The following MCM9 variants were observed in gnomAD, a reference collection of about 807,000 sequenced individuals.
MCM9 encodes minichromosome maintenance 9 homologous recombination repair factor, also known as DNA helicase MCM9.
In MCM9, 55 loss-of-function variants were observed where a neutral mutation model predicts 72.8. That is an observed-to-expected ratio of 0.76 (90% CI 0.61 to 0.95). MCM9 has a LOEUF of 0.95. Among genes scored for constraint, MCM9 ranks in the 40% least tolerant of loss-of-function variants. MCM9 has a pLI of 0.00. For synonymous variants in MCM9, 480 were observed against 503.4 expected (o/e 0.95, Z 0.62); for missense variants, 1,279 against 1,377.0 (o/e 0.93, Z 1.13).
At position 118,922,018 on chromosome 6, in the gene MCM9, A is replaced by G. The variant is rs748700402; in HGVS notation, c.690T>C (p.Asp230=). The G allele has an allele frequency of 2.5e-6, 4 of 1,612,788 alleles. No individual in the cohort carries two copies. The highest frequency in any genetic ancestry group is 2.5e-6 in the Non-Finnish European group (3 of 1,179,286). Residue 230 remains aspartate (D), a synonymous_variant, in exon 5 of 14, where the codon GAT becomes GAC. Coordinates refer to ENST00000619706, the MANE Select transcript of MCM9 (RefSeq NM_017696.3). ...CCCTCTTCTTACCAGATTTGCAACT[A>G]TCCACTAAGTCATCTTCCAGAATAA... The part of the protein sequence containing the change: ...MKVILEDDLV[D]SCKSGDDLTI...
intron 9 of MCM9, among the ~76,000 whole-genome samples, chr6:118,853,893 T>C (rs992545106): frequency 3.3e-5 from 5 of 152,214 alleles, no homozygotes; most frequent in Non-Finnish European, 7.3e-5. Flanking sequence ...TGAAACTAGG[T>C]ATCTATCTCT....
intron 9 of MCM9, among the ~76,000 whole-genome samples, chr6:118,843,892 C>CAACATGGTGAAACCCCATCTCTACT (rs1775683167): frequency 6.6e-6 from 1 of 150,822 alleles, no homozygotes; most frequent in African/African-American, 2.5e-5. Context: ...AGAAAGAAAG[C>CAACATGGTGAAACCCCATCTCTACT]AAAAGCAGAC....
At chr6:118,820,755 C>CT (rs1442204164) in intron 13 of MCM9, among the ~76,000 whole-genome samples, 1 of 152,090 alleles carries the variant, frequency 6.6e-6, no homozygotes, top group Non-Finnish European at 1.5e-5. Context: ...GTGTGGGAGT[C>CT]TAAGTTTCTT....
chr6:118,917,885 T>C (rs534493104), intron 5 of MCM9, 124 bp from the exon 6 acceptor site: 2 of 776,368 alleles, frequency 2.6e-6, no homozygotes, highest in East Asian at 2.6e-5. Context: ...ATATGTACAC[T>C]CATCCAGAAA....
At chr6:118,843,686 G>GTATATATATATA (rs1342376738) in intron 9 of MCM9, among the ~76,000 whole-genome samples, 1 of 31,224 alleles carries the variant, frequency 3.2e-5, no homozygotes, top group Non-Finnish European at 5.9e-5. Flanking sequence ...ATATATATAT[G>GTATATATATATA]TGTATATATA....
In MCM9 at chr6:118,917,778, A is replaced by G. The variant is rs369500613; in HGVS notation, c.704-17T>C. 3 of 1,610,882 alleles carry G rather than the reference A, an allele frequency of 1.9e-6. No individual in the cohort carries two copies. Among genetic ancestry groups the G allele is most frequent in the Non-Finnish European group, 2.5e-6 (3 of 1,177,072 alleles). ...GGTCATCACCTAGGAAAAAGCATCA[A>G]GTGAGTCCAGCAGTAGCATCCTGCA... is the stretch of plus-strand genomic sequence containing the variant. On this transcript the variant is annotated splice_polypyrimidine_tract_variant and intron_variant, in intron 5 of 13. Coordinates refer to ENST00000619706, the MANE Select transcript of MCM9 (RefSeq NM_017696.3).
chr6:118,834,033 C>A (rs543119736), intron 9 of MCM9, among the ~76,000 whole-genome samples: 4 of 151,848 alleles, frequency 2.6e-5, no homozygotes, highest in East Asian at 3.9e-4. Context: ...CCTAGCCCCC[C>A]ACCCAGTGTG....
chr6:118,907,348 T>C (rs1315544966), intron 8 of MCM9: 7 of 1,250,314 alleles, frequency 5.6e-6, no homozygotes, highest in African/African-American at 3.0e-5. Flanking sequence ...TATTTGTATA[T>C]GGTGATTTAA....
chr6:118,823,991 C>CATT (rs1773991261), intron 13 of MCM9, among the ~76,000 whole-genome samples: 1 of 141,314 alleles, frequency 7.1e-6, no homozygotes, highest in African/African-American at 2.6e-5. Flanking sequence ...TATTGGGTTA[C>CATT]ATTCATTCAC....
intron 13 of MCM9, among the ~76,000 whole-genome samples, chr6:118,825,480 T>C (rs1277399818): frequency 6.6e-6 from 1 of 152,126 alleles, no homozygotes; most frequent in African/African-American, 2.4e-5. Flanking sequence ...CTGTTCCACT[T>C]TTTCATGTAC....
intron 10 of MCM9, 108 bp from the exon 11 acceptor site, chr6:118,828,238 G>A (rs1774298807): frequency 2.3e-6 from 2 of 883,280 alleles, no homozygotes; most frequent in South Asian, 1.8e-5. Context: ...TAACCTTCAT[G>A]TTTTGTGGTT....
chr6:118,927,855 T>C lies in MCM9; in HGVS notation c.304+3565A>G, dbSNP rs114879244. Among the ~76,000 whole-genome samples the C allele has an allele frequency of 3.8e-3, 584 of 152,342 alleles. 6 individuals are homozygous for C. The highest frequency in any genetic ancestry group is 0.013 in the African/African-American group (557 of 41,584). On this transcript the variant is annotated intron_variant, in intron 3 of 13. Coordinates refer to ENST00000619706, the MANE Select transcript of MCM9 (RefSeq NM_017696.3). Reference sequence around the variant, plus strand: ...CTTAGAATGGAAGAATAAAACACTATATGCCCCATTGCTTCTAGAGTAACC... The same window carrying C: ...CTTAGAATGGAAGAATAAAACACTACATGCCCCATTGCTTCTAGAGTAACC...
chr6:118,924,155 C>T (rs1178778589), intron 3 of MCM9, 28 bp from the exon 4 acceptor site: 2 of 1,587,914 alleles, frequency 1.3e-6, no homozygotes, highest in Admixed American at 3.4e-5. Flanking sequence ...AAAACAGCAT[C>T]AACTTCAATC....
chr6:118,908,966 G>T (rs1312532873), intron 8 of MCM9: 1 of 152,516 alleles, frequency 6.6e-6, no homozygotes. Context: ...AAGTGAATTT[G>T]TGAAGCAAAG....
rs1562395488 is a variant in MCM9 at position 118,815,359 on chromosome 6, A to G, written c.2897T>C (p.Leu966Ser). ...SQRRTRRDAA[L>S]PVKRPGKLTS... ...TAACTTTCCTGGACGCTTCACCGGC[A>G]AGGCTGCGTCTCTTCTTGTTCTACG... Residue 966 changes from leucine to serine, a missense_variant, in exon 14 of 14, where the codon TTG becomes TCG. Transcript: ENST00000619706. The G allele has an allele frequency of 6.4e-7, 1 of 1,550,418 alleles. No homozygotes were observed. The highest frequency in any genetic ancestry group is 1.4e-5 in the African/African-American group (1 of 73,092).
chr6:118,843,670 G>GTGTATATA (rs1562407108), intron 9 of MCM9, among the ~76,000 whole-genome samples: 9 of 17,140 alleles, frequency 5.3e-4, no homozygotes, highest in Admixed American at 4.7e-3. Flanking sequence ...ATATATATAT[G>GTGTATATA]TATGTATATA....
intron 8 of MCM9, among the ~76,000 whole-genome samples, chr6:118,876,896 A>G (rs934989868): frequency 6.6e-6 from 1 of 152,312 alleles, no homozygotes; most frequent in East Asian, 1.9e-4. Flanking sequence ...GCACATGAAA[A>G]TATGTTCAAT....
At chr6:118,874,027 G>A (rs1777779167) in intron 8 of MCM9, among the ~76,000 whole-genome samples, 1 of 152,166 alleles carries the variant, frequency 6.6e-6, no homozygotes, top group Admixed American at 6.5e-5. Flanking sequence ...GCAAAGGTGG[G>A]CGGATTGCTT....
intron 3 of MCM9, 116 bp from the exon 4 acceptor site, chr6:118,924,243 A>G: frequency 1.1e-6 from 1 of 947,924 alleles, no homozygotes; most frequent in Non-Finnish European, 1.6e-6. Context: ...GAAAAAAAAG[A>G]TTGTGTTTTA....
Sources: allele counts gnomAD v4.1 joint callset (sites outside exome capture counted in the v4.1 genomes callset), GRCh38; gene constraint gnomAD v4.1.1; transcripts MANE v1.5; gene names NCBI Gene and HGNC (gene_info 2026-07-23, HGNC 2026-07-21).